FRYL: variants seen among roughly 807,000 people sequenced by gnomAD.
The protein encoded by FRYL is FRY like transcription coactivator, also known as protein furry homolog-like.
Under a neutral mutation model 351.2 loss-of-function variants are expected in FRYL, and 150 were observed. That is an observed-to-expected ratio of 0.43 (90% CI 0.37 to 0.49). FRYL has a LOEUF of 0.49. Among genes scored for constraint, FRYL ranks in the 20% least tolerant of loss-of-function variants. The probability of loss-of-function intolerance (pLI) is 0.00; values close to 1 mark genes in which losing one functional copy is unlikely to be tolerated. For missense variants in FRYL, 3,036 were observed against 3,619.3 expected (o/e 0.84, Z 4.13); for synonymous variants, 1,153 against 1,257.1 (o/e 0.92, Z 1.75).
At chr4:48,613,073 A>G (rs1433486448) in intron 7 of FRYL, among the ~76,000 whole-genome samples, 1 of 152,234 alleles carries the variant, frequency 6.6e-6, no homozygotes, top group Non-Finnish European at 1.5e-5. Context: ...TGGAATATTC[A>G]CATATACATA....
intron 62 of FRYL, among the ~76,000 whole-genome samples, chr4:48,500,579 C>T (rs1423430428): frequency 3.3e-5 from 5 of 151,990 alleles, no homozygotes; most frequent in Admixed American, 1.3e-4. Context: ...TTATTTACCC[C>T]AGGGTATTTT....
Position 48,562,984 on chromosome 4 carries a change from A to G in FRYL, c.3601T>C (p.Tyr1201His), listed in dbSNP as rs760499511. Residue 1201 changes from tyrosine (Y) to histidine (H), a missense_variant, in exon 32 of 64, where the codon TAT (tyrosine) becomes CAT (histidine). Transcript: ENST00000358350. ...AGAAGCATCACTGTGTCACATTGAT[A>G]ATCCCTAGGAATAAATTTTACATAT... Reference protein sequence around the residue: ...AIANVFQNRDYQCDTVMLLNL... With the variant: ...AIANVFQNRDHQCDTVMLLNL... 6.4e-7 allele frequency: 1 copy of G among 1,554,278 alleles called. No individual in the cohort carries two copies. Among genetic ancestry groups the G allele is most frequent in the Non-Finnish European group, 8.8e-7 (1 of 1,131,642 alleles).
intron 1 of FRYL, among the ~76,000 whole-genome samples, chr4:48,754,657 G>GT (rs1274139597): frequency 6.6e-5 from 7 of 106,404 alleles, no homozygotes; most frequent in East Asian, 3.0e-4. Flanking sequence ...ATTTTCTGGG[G>GT]TTTTTTTGGG....
chr4:48,769,644 TAGTTA>T (rs2109407333), intron 1 of FRYL, among the ~76,000 whole-genome samples: 1 of 152,334 alleles, frequency 6.6e-6, no homozygotes. Context: ...AGCAGCTTTT[TAGTTA>T]ACAGCCAAAA....
Position 48,520,997 on chromosome 4 carries a change from G to A in FRYL, c.7689+51C>T, listed in dbSNP as rs1577918407. On this transcript the variant is annotated intron_variant, in intron 55 of 63. Coordinates refer to ENST00000358350, the MANE Select transcript of FRYL (RefSeq NM_015030.2). Reference sequence around the variant, plus strand: ...AAAGAAAAGCGGGAGCTATAAAAGAGTGCTAAAAAGAGCCCAGATTGGCCA... The same window carrying A: ...AAAGAAAAGCGGGAGCTATAAAAGAATGCTAAAAAGAGCCCAGATTGGCCA... 5 of 1,408,126 alleles carry A rather than the reference G, an allele frequency of 3.6e-6. No homozygotes were observed. The East Asian group carries it at 7.1e-5, about 20-fold the overall frequency. The allele number at this position is 1,408,126 out of a possible 1,614,324, so 87.2% of individuals were successfully genotyped here.
At chr4:48,708,562 T>C (rs115980814) in intron 2 of FRYL, among the ~76,000 whole-genome samples, 8,914 of 152,264 alleles carry the variant, frequency 0.059, 360 homozygotes, top group Non-Finnish European at 0.09. Flanking sequence ...TAAAAAGATG[T>C]ATATATCCGC....
At chr4:48,630,574 T>C (rs1257020526) in intron 4 of FRYL, among the ~76,000 whole-genome samples, 2 of 152,060 alleles carry the variant, frequency 1.3e-5, no homozygotes, top group Admixed American at 6.5e-5. Flanking sequence ...CATCTCCTTT[T>C]AGGAAAAAAG....
chr4:48,640,106 T>C (rs1343024628), intron 3 of FRYL, among the ~76,000 whole-genome samples: 2 of 152,152 alleles, frequency 1.3e-5, no homozygotes, highest in Non-Finnish European at 2.9e-5. Context: ...TGGTTATTTT[T>C]TTCAAAACTA....
At chr4:48,723,982 G>A (rs1225916517) in intron 1 of FRYL, among the ~76,000 whole-genome samples, 1 of 149,236 alleles carries the variant, frequency 6.7e-6, no homozygotes, top group African/African-American at 2.5e-5. Context: ...AAAAAAATTA[G>A]GTGGGTGTGG....
intron 3 of FRYL, among the ~76,000 whole-genome samples, chr4:48,657,365 T>C (rs1025033922): frequency 1.9e-4 from 28 of 149,896 alleles, no homozygotes; most frequent in African/African-American, 6.3e-4. Flanking sequence ...TTTTTTTTTT[T>C]TTTTTTTGGA....
chr4:48,501,372 T>G (rs1379111332), intron 62 of FRYL, among the ~76,000 whole-genome samples: 7 of 152,144 alleles, frequency 4.6e-5, no homozygotes, highest in Admixed American at 4.6e-4. Context: ...TGACTTTTGA[T>G]TATAGATGAT....
chr4:48,739,149 C>T (rs369438944), intron 1 of FRYL, among the ~76,000 whole-genome samples: 17 of 152,102 alleles, frequency 1.1e-4, no homozygotes, highest in South Asian at 6.2e-4. Context: ...GACTGTAATC[C>T]CAGCACATTG....
chr4:48,662,027 C>A (rs1292001768), intron 3 of FRYL, among the ~76,000 whole-genome samples: 1 of 152,132 alleles, frequency 6.6e-6, no homozygotes, highest in Non-Finnish European at 1.5e-5. Flanking sequence ...AAGTGAAGCA[C>A]TGACAACTAA....
At chr4:48,583,720 T>C (rs1195002211) in intron 19 of FRYL, among the ~76,000 whole-genome samples, 1 of 151,756 alleles carries the variant, frequency 6.6e-6, no homozygotes, top group Non-Finnish European at 1.5e-5. Flanking sequence ...CTGGCCAACA[T>C]GATGAAATCC....
intron 3 of FRYL, among the ~76,000 whole-genome samples, chr4:48,676,964 C>A (rs1763810859): frequency 6.6e-6 from 1 of 152,150 alleles, no homozygotes; most frequent in Non-Finnish European, 1.5e-5. Context: ...AAAAATATAA[C>A]CAATTCTTGT....
chr4:48,619,481 A>G (rs147976525), intron 6 of FRYL, 111 bp from the exon 7 acceptor site: 101 of 558,788 alleles, frequency 1.8e-4, no homozygotes, highest in African/African-American at 1.5e-3. Context: ...AATGTGCTAC[A>G]GCAATTGTTA....
chr4:48,673,771 T>G (rs1763100688), intron 3 of FRYL, among the ~76,000 whole-genome samples: 6 of 152,196 alleles, frequency 3.9e-5, no homozygotes. Context: ...TCAAGAGGAC[T>G]TAGATAACAT....
chr4:48,622,294 T>C (rs1406412492), intron 5 of FRYL, among the ~76,000 whole-genome samples: 2 of 152,214 alleles, frequency 1.3e-5, no homozygotes, highest in Non-Finnish European at 2.9e-5. Flanking sequence ...TGAAAAGCAC[T>C]GTATAAGGTG....
Position 48,655,740 on chromosome 4 carries a change from T to C in FRYL, c.-80-21250A>G, listed in dbSNP as rs1038266212. ...TAATGTATAAGTATATAAAATTATA[T>C]CTAATGTATAATTATATAATACATT... On this transcript the variant is annotated intron_variant, in intron 3 of 63. Coordinates refer to ENST00000358350, the MANE Select transcript of FRYL (RefSeq NM_015030.2). Among the ~76,000 whole-genome samples the C allele has an allele frequency of 2.1e-5, 3 of 146,234 alleles. No individual in the cohort carries two copies. In the South Asian group the frequency reaches 6.3e-4, roughly 31 times the overall value.
Sources: allele counts gnomAD v4.1 joint callset (sites outside exome capture counted in the v4.1 genomes callset), GRCh38; gene constraint gnomAD v4.1.1; transcripts MANE v1.5; gene names NCBI Gene and HGNC (gene_info 2026-07-23, HGNC 2026-07-21).